The following GRM8 variants were observed in gnomAD, a reference collection of about 807,000 sequenced individuals.
GRM8 encodes metabotropic glutamate receptor 8.
Under a neutral mutation model 87.2 loss-of-function variants are expected in GRM8, and 47 were observed. That is an observed-to-expected ratio of 0.54 (90% CI 0.43 to 0.69). The LOEUF is 0.69. Ranked by LOEUF, GRM8 falls within the 30% of genes least tolerant of loss-of-function variation. GRM8 has a pLI of 0.00. For missense variants in GRM8, 1,019 were observed against 1,139.2 expected (o/e 0.89, Z 1.52); for synonymous variants, 396 against 404.5 (o/e 0.98, Z 0.25).
At chr7:126,967,095 A>G (rs915580256) in intron 3 of GRM8, among the ~76,000 whole-genome samples, 2 of 152,136 alleles carry the variant, frequency 1.3e-5, no homozygotes, top group Non-Finnish European at 2.9e-5. Flanking sequence ...AACATAACCT[A>G]TATTAGGATC....
At chr7:126,554,686 G>A (rs1792949669) in intron 8 of GRM8, among the ~76,000 whole-genome samples, 1 of 152,086 alleles carries the variant, frequency 6.6e-6, no homozygotes, top group Middle Eastern at 3.2e-3. Flanking sequence ...TCTGCTTAGA[G>A]GAAGAAATGA....
intron 7 of GRM8, among the ~76,000 whole-genome samples, chr7:126,753,472 A>G (rs1199122260): frequency 6.6e-6 from 1 of 151,826 alleles, no homozygotes; most frequent in Non-Finnish European, 1.5e-5. Context: ...ACACAAATGT[A>G]TATACACACA....
At chr7:126,756,407 G>C (rs770992821) in intron 7 of GRM8, among the ~76,000 whole-genome samples, 1 of 152,024 alleles carries the variant, frequency 6.6e-6, no homozygotes. Flanking sequence ...ATAAGAGAAA[G>C]AATTGATAAG....
intron 3 of GRM8, among the ~76,000 whole-genome samples, chr7:127,009,922 C>A (rs1274468904): frequency 6.6e-6 from 1 of 152,068 alleles, no homozygotes; most frequent in Non-Finnish European, 1.5e-5. Flanking sequence ...TGGCTCACTG[C>A]AACCTCTGCT....
At chr7:126,927,510 A>C (rs1331006471) in intron 3 of GRM8, among the ~76,000 whole-genome samples, 1 of 152,178 alleles carries the variant, frequency 6.6e-6, no homozygotes, top group Non-Finnish European at 1.5e-5. Context: ...ATGGTCTGTT[A>C]AACAAATTTA....
At chr7:126,710,517 C>G (rs895078098) in intron 7 of GRM8, among the ~76,000 whole-genome samples, 4 of 152,184 alleles carry the variant, frequency 2.6e-5, no homozygotes, top group Admixed American at 2.6e-4. Context: ...GATTCTATCT[C>G]AAGAAACCAC....
chr7:126,676,253 C>T (rs1429120934), intron 7 of GRM8, among the ~76,000 whole-genome samples: 1 of 152,150 alleles, frequency 6.6e-6, no homozygotes, highest in African/African-American at 2.4e-5. Context: ...AAAAACATCC[C>T]ATGCTTATGA....
At chr7:126,846,366 C>CA (rs1796712442) in intron 6 of GRM8, among the ~76,000 whole-genome samples, 1 of 152,210 alleles carries the variant, frequency 6.6e-6, no homozygotes, top group Non-Finnish European at 1.5e-5. Flanking sequence ...CCTGAGGTGA[C>CA]AAAATCATTT....
intron 7 of GRM8, among the ~76,000 whole-genome samples, chr7:126,715,441 T>A (rs1811621209): frequency 6.6e-6 from 1 of 152,370 alleles, no homozygotes; most frequent in South Asian, 2.1e-4. Flanking sequence ...ATGTATGGTC[T>A]GAAAGTGTGT....
At chr7:126,642,653 T>C (rs1802532798) in intron 7 of GRM8, among the ~76,000 whole-genome samples, 1 of 151,328 alleles carries the variant, frequency 6.6e-6, no homozygotes, top group Admixed American at 6.6e-5. Flanking sequence ...AAAATAATAA[T>C]AATAACAATA....
At chr7:126,441,176 C>G (rs1412060475) in intron 10 of GRM8, among the ~76,000 whole-genome samples, 2 of 151,996 alleles carry the variant, frequency 1.3e-5, no homozygotes, top group Non-Finnish European at 2.9e-5. Flanking sequence ...TAATCTTAGA[C>G]TCTAGAGGTA....
At chr7:126,655,143 T>C (rs1804366868) in intron 7 of GRM8, among the ~76,000 whole-genome samples, 1 of 152,258 alleles carries the variant, frequency 6.6e-6, no homozygotes, top group Non-Finnish European at 1.5e-5. Flanking sequence ...AAGGTGCTTT[T>C]CATAACTTTT....
At chr7:127,043,432 G>A (rs1434051551) in intron 3 of GRM8, among the ~76,000 whole-genome samples, 1 of 152,172 alleles carries the variant, frequency 6.6e-6, no homozygotes, top group South Asian at 2.1e-4. Context: ...ATACTATGCA[G>A]CCATAAAAAA....
intron 7 of GRM8, among the ~76,000 whole-genome samples, chr7:126,765,219 C>T (rs1481297478): frequency 3.9e-5 from 6 of 151,940 alleles, no homozygotes; most frequent in Admixed American, 3.9e-4. Context: ...AAGAGAAAAC[C>T]AATATAAAGA....
intron 7 of GRM8, among the ~76,000 whole-genome samples, chr7:126,643,309 AAAAAAAAAAAATATATAT>A (rs1338466008): frequency 2.0e-4 from 6 of 30,486 alleles, no homozygotes; most frequent in Non-Finnish European, 3.8e-4. Flanking sequence ...AAAAAAAAAA[AAAAAAAAAAAATATATAT>A]ATATATATAT....
At chr7:127,000,939 T>C (rs1229571280) in intron 3 of GRM8, among the ~76,000 whole-genome samples, 1 of 151,664 alleles carries the variant, frequency 6.6e-6, no homozygotes, top group Non-Finnish European at 1.5e-5. Flanking sequence ...AAATTGATTG[T>C]GAAATACATA....
rs376162586 is a variant in GRM8, at chr7:126,469,019, C to T, written c.2431-22647G>A. 3.7e-4 allele frequency among the ~76,000 whole-genome samples: 56 copies of T among 152,236 alleles called. No individual in the cohort carries two copies. In the East Asian group the frequency reaches 4.3e-3, roughly 12 times the overall value. On this transcript the variant is annotated intron_variant, in intron 9 of 10. Transcript: ENST00000339582. Reference sequence around the variant, plus strand: ...CTTCTATACAACTTCCAACAATCTACTGACTCCTTTAATCTTTGTTTCAGC... The same window carrying T: ...CTTCTATACAACTTCCAACAATCTATTGACTCCTTTAATCTTTGTTTCAGC...
At chr7:127,017,370 C>A (rs1173740806) in intron 3 of GRM8, among the ~76,000 whole-genome samples, 1 of 152,006 alleles carries the variant, frequency 6.6e-6, no homozygotes, top group Non-Finnish European at 1.5e-5. Context: ...CTCCTGTTCA[C>A]CCTTGATCTT....
chr7:126,607,903 G>A (rs1798526150), intron 8 of GRM8, among the ~76,000 whole-genome samples: 1 of 132,588 alleles, frequency 7.5e-6, no homozygotes, highest in Non-Finnish European at 1.5e-5. Context: ...CTGTGTCCAT[G>A]TCTACTGTTC....
Sources: gnomAD v4.1 joint callset for allele counts (sites outside exome capture counted in the v4.1 genomes callset) on GRCh38, gnomAD v4.1.1 for gene constraint, MANE v1.5 for transcripts, NCBI Gene and HGNC (gene_info 2026-07-23, HGNC 2026-07-21) for gene names.